The following ARID1B variants were observed in gnomAD, a reference collection of about 807,000 sequenced individuals.
ARID1B encodes the protein AT-rich interaction domain 1B.
Under a neutral mutation model 212.3 loss-of-function variants are expected in ARID1B, and 30 were observed. The ratio of observed to expected loss-of-function variants is 0.14; its 90% confidence interval spans 0.11 to 0.19. ARID1B has a LOEUF of 0.19. ARID1B is among the 10% of genes least tolerant of loss of function. The pLI is 1.00. For synonymous variants in ARID1B, 1,402 were observed against 1,301.7 expected, an observed-to-expected ratio of 1.08 and a Z score of -1.66; for missense variants, 2,891 against 3,204.0, an observed-to-expected ratio of 0.90 and a Z score of 2.36.
chr6:157,172,295 T>G (rs1034355505), intron 9 of ARID1B, among the ~76,000 whole-genome samples: 2 of 152,188 alleles, frequency 1.3e-5, no homozygotes, highest in African/African-American at 4.8e-5. Context: ...CTCAGCTGCT[T>G]GAGGTTTCAC....
chr6:156,812,936 GTGTGTGTGTGT>G (rs1562403927), intron 1 of ARID1B, among the ~76,000 whole-genome samples: 4 of 34,338 alleles, frequency 1.2e-4, no homozygotes, highest in African/African-American at 5.1e-4. Flanking sequence ...AATCCTGGGT[GTGTGTGTGTGT>G]GTGTGTGTGT....
Position 156,778,739 on chromosome 6 carries a change from C to A in ARID1B, c.1059C>A (p.Ser353=). ...SPGMGMMHSA[S]AAAAGAPGSM... is the part of the protein sequence containing the mutation. ...GGATGGGGATGATGCACTCCGCCTCCGCCGCCGCCGCCGGGGCCCCCGGCA... is the reference window on the plus strand; with the variant it reads ...GGATGGGGATGATGCACTCCGCCTCAGCCGCCGCCGCCGGGGCCCCCGGCA... Residue 353 remains serine, a synonymous_variant, in exon 1 of 20, where the codon TCC becomes TCA. Transcript: ENST00000636930. The A allele has an allele frequency of 6.7e-7, 1 of 1,485,522 alleles. No individual in the cohort carries two copies. The highest frequency in any genetic ancestry group is 1.7e-4 in the Middle Eastern group (1 of 5,756). 92.0% of individuals were successfully genotyped at this position (1,485,522 alleles called of 1,614,324 possible).
chr6:156,812,562 C>G (rs1279370898), intron 1 of ARID1B, among the ~76,000 whole-genome samples: 1 of 152,048 alleles, frequency 6.6e-6, no homozygotes, highest in Admixed American at 6.6e-5. Flanking sequence ...CTCTGCTTAT[C>G]TTTTTCATAG....
intron 7 of ARID1B, among the ~76,000 whole-genome samples, chr6:157,135,729 T>C (rs1200254222): frequency 2.0e-5 from 3 of 152,240 alleles, no homozygotes; most frequent in Non-Finnish European, 4.4e-5. Flanking sequence ...GTTCAATAAA[T>C]ACTCTTCACT....
At chr6:156,942,814 T>C (rs1792779314) in intron 4 of ARID1B, 1 of 152,228 alleles carries the variant, frequency 6.6e-6, no homozygotes, top group South Asian at 2.1e-4. Context: ...CAATGGCCAG[T>C]GTGAGGCGTT....
At chr6:156,956,931 T>G (rs1042024964) in intron 4 of ARID1B, among the ~76,000 whole-genome samples, 2 of 152,188 alleles carry the variant, frequency 1.3e-5, no homozygotes, top group Non-Finnish European at 2.9e-5. Flanking sequence ...AGTTCTAGAT[T>G]ATGGATCCCA....
At chr6:157,087,093 T>C (rs1223876049) in intron 5 of ARID1B, among the ~76,000 whole-genome samples, 1 of 152,204 alleles carries the variant, frequency 6.6e-6, no homozygotes, top group Non-Finnish European at 1.5e-5. Context: ...CCGACCTCTA[T>C]ATGGTGCTTG....
chr6:156,863,809 A>G (rs1785498424), intron 2 of ARID1B, among the ~76,000 whole-genome samples: 1 of 152,158 alleles, frequency 6.6e-6, no homozygotes, highest in Non-Finnish European at 1.5e-5. Context: ...TCTTCCCTGT[A>G]TGATGCTGCA....
intron 4 of ARID1B, among the ~76,000 whole-genome samples, chr6:156,967,689 A>G (rs1036826801): frequency 6.6e-6 from 1 of 152,240 alleles, no homozygotes; most frequent in African/African-American, 2.4e-5. Context: ...TTATCATGAA[A>G]ATTTAAGCTT....
chr6:156,857,802 A>C (rs1419738792), intron 2 of ARID1B, among the ~76,000 whole-genome samples: 1 of 152,190 alleles, frequency 6.6e-6, no homozygotes, highest in Admixed American at 6.5e-5. Flanking sequence ...ACACAAACCT[A>C]GATGGTATAG....
chr6:156,960,873 C>T (rs939648769), intron 4 of ARID1B, among the ~76,000 whole-genome samples: 5 of 152,104 alleles, frequency 3.3e-5, no homozygotes, highest in Admixed American at 3.3e-4. Context: ...ATTCCCTGTG[C>T]ATTTTATGAA....
chr6:156,878,947 G>A (rs1786814465), intron 2 of ARID1B, among the ~76,000 whole-genome samples: 1 of 152,244 alleles, frequency 6.6e-6, no homozygotes, highest in African/African-American at 2.4e-5. Flanking sequence ...AAGTATTGTA[G>A]TGCCATTTTG....
chr6:156,853,892 A>G (rs955458787), intron 2 of ARID1B, among the ~76,000 whole-genome samples: 1 of 152,022 alleles, frequency 6.6e-6, no homozygotes, highest in African/African-American at 2.4e-5. Context: ...ATGTACCACC[A>G]TGCTGGCTAA....
At chr6:156,960,993 C>A (rs151029998) in intron 4 of ARID1B, among the ~76,000 whole-genome samples, 26 of 152,242 alleles carry the variant, frequency 1.7e-4, no homozygotes, top group African/African-American at 5.3e-4. Flanking sequence ...AAGGAAAAAT[C>A]GTTGTAAAAT....
At chr6:156,912,254 CTTT>C (rs34051264) in intron 3 of ARID1B, among the ~76,000 whole-genome samples, 2,973 of 126,592 alleles carry the variant, frequency 0.023, 108 homozygotes, top group African/African-American at 0.079. Context: ...AATCAAACCT[CTTT>C]TTTTTTTTTT....
In ARID1B at chr6:156,778,586, G is replaced by GGTC. The variant is rs1554247583; in HGVS notation, c.907_908insTCG (p.Gly302_Gly303insVal). 2.4e-6 allele frequency: 3 copies of GGTC among 1,270,770 alleles called. No homozygotes were observed. The East Asian group carries it at 9.7e-5, about 41-fold the overall frequency. 78.7% of individuals were successfully genotyped at this position (1,270,770 alleles called of 1,614,324 possible). Reference sequence around the variant, plus strand: ...AGCAGCCGCCGGTCGCCGTGCCCGGGGGCGGCGGCGGCCCGGCGGCCGTCC... The same window carrying GGTC: ...AGCAGCCGCCGGTCGCCGTGCCCGGGGTCGGCGGCGGCGGCCCGGCGGCCGTCC... On this transcript the variant is annotated inframe_insertion, in exon 1 of 20. Coordinates refer to ENST00000636930, the MANE Select transcript of ARID1B (RefSeq NM_001374828.1).
At chr6:157,085,802 A>C (rs184346264) in intron 5 of ARID1B, among the ~76,000 whole-genome samples, 8 of 152,250 alleles carry the variant, frequency 5.3e-5, no homozygotes, top group Non-Finnish European at 1.0e-4. Context: ...AACATCAACT[A>C]TCAAATAAAC....
intron 4 of ARID1B, among the ~76,000 whole-genome samples, chr6:157,031,933 A>T (rs1054425338): frequency 6.6e-6 from 1 of 152,058 alleles, no homozygotes; most frequent in African/African-American, 2.4e-5. Context: ...AGTAGCTGGG[A>T]CTACCGGCAT....
chr6:156,835,721 G>T (rs1380806746), intron 2 of ARID1B, among the ~76,000 whole-genome samples: 2 of 152,060 alleles, frequency 1.3e-5, no homozygotes, highest in East Asian at 3.9e-4. Context: ...TTACTTTTGA[G>T]ATGTAAATCT....
Sources: gnomAD v4.1 joint callset for allele counts (sites outside exome capture counted in the v4.1 genomes callset) on GRCh38, gnomAD v4.1.1 for gene constraint, MANE v1.5 for transcripts, NCBI Gene and HGNC (gene_info 2026-07-23, HGNC 2026-07-21) for gene names.